Variants in NYAP2 observed in about 807,000 individuals in gnomAD.
NYAP2 encodes the protein neuronal tyrosine-phosphorylated phosphoinositide-3-kinase adaptor 2.
Under a neutral mutation model 50.4 loss-of-function variants are expected in NYAP2, and 23 were observed. The observed-to-expected ratio is 0.46, with a 90% CI of 0.33 to 0.65. The LOEUF (loss-of-function observed/expected upper bound fraction) is 0.65, where lower values mean the gene tolerates loss of function less well. Ranked by LOEUF, NYAP2 falls within the 30% of genes least tolerant of loss-of-function variation. The pLI, the probability that NYAP2 is intolerant of heterozygous loss-of-function variation, is 0.02. For synonymous variants in NYAP2, 394 were observed against 365.2 expected (o/e 1.08, Z -0.90); for missense variants, 885 against 861.0 (o/e 1.03, Z -0.35).
At chr2:225,572,457 T>A (rs1208281648) in intron 4 of NYAP2, among the ~76,000 whole-genome samples, 1 of 152,152 alleles carries the variant, frequency 6.6e-6, no homozygotes, top group Non-Finnish European at 1.5e-5. Flanking sequence ...GGAGAGAGAA[T>A]GAGTGCCAGC....
intron 4 of NYAP2, among the ~76,000 whole-genome samples, chr2:225,564,679 T>C (rs1359937715): frequency 6.8e-6 from 1 of 146,578 alleles, no homozygotes; most frequent in Non-Finnish European, 1.5e-5. Context: ...GTGAACTGCA[T>C]AAATATAAAA....
intron 4 of NYAP2, among the ~76,000 whole-genome samples, chr2:225,535,066 T>C (rs1221180575): frequency 1.3e-5 from 2 of 152,186 alleles, no homozygotes; most frequent in African/African-American, 4.8e-5. Context: ...CATAATGGCC[T>C]GAGATCAGCA....
At chr2:225,631,909 C>G (rs1693322899) in intron 6 of NYAP2, among the ~76,000 whole-genome samples, 2 of 152,278 alleles carry the variant, frequency 1.3e-5, no homozygotes, top group South Asian at 4.1e-4. Flanking sequence ...CCTCCGCCTC[C>G]TGGGTTCAAG....
intron 5 of NYAP2, among the ~76,000 whole-genome samples, chr2:225,596,139 C>T (rs997115881): frequency 6.6e-6 from 1 of 152,076 alleles, no homozygotes; most frequent in Non-Finnish European, 1.5e-5. Flanking sequence ...TCAAGCAATC[C>T]TCCTGCATCA....
chr2:225,702,186 G>C, the NYAP2 span: 8 of 151,666 alleles, frequency 5.3e-5, no homozygotes, highest in South Asian at 2.1e-4. Context: ...ACAATTCATT[G>C]TGTCCCAAAC....
chr2:225,658,274 A>G (rs149429857), downstream of NYAP2, among the ~76,000 whole-genome samples: 1,823 of 152,312 alleles, frequency 0.012, 24 homozygotes, highest in Non-Finnish European at 0.017. Context: ...AACCTTACAT[A>G]TATTTCCAAA....
intron 4 of NYAP2, among the ~76,000 whole-genome samples, chr2:225,575,263 C>A (rs183130495): frequency 6.6e-6 from 1 of 152,146 alleles, no homozygotes; most frequent in African/African-American, 2.4e-5. Context: ...GGTCTCCTCA[C>A]TATCCTTCAG....
intron 3 of NYAP2, among the ~76,000 whole-genome samples, chr2:225,411,606 T>C (rs1276757289): frequency 4.0e-5 from 6 of 150,552 alleles, no homozygotes; most frequent in Non-Finnish European, 8.8e-5. Flanking sequence ...TAAATAGAGA[T>C]GATAAAAAAA....
chr2:225,435,912 G>C (rs1689367579), intron 3 of NYAP2, among the ~76,000 whole-genome samples: 1 of 152,094 alleles, frequency 6.6e-6, no homozygotes, highest in African/African-American at 2.4e-5. Flanking sequence ...ACATCAATTT[G>C]CTCATTTGTA....
intron 5 of NYAP2, among the ~76,000 whole-genome samples, chr2:225,622,081 G>T (rs1693113788): frequency 6.6e-6 from 1 of 152,150 alleles, no homozygotes; most frequent in Non-Finnish European, 1.5e-5. Flanking sequence ...GCCCAGCCTG[G>T]ATTGCAGTGG....
At chr2:225,660,746 G>A in the NYAP2 span, among the ~76,000 whole-genome samples, 7 of 152,058 alleles carry the variant, frequency 4.6e-5, no homozygotes, top group African/African-American at 4.8e-5. Context: ...CGTTGTTTGG[G>A]ATAATAAGCA....
chr2:225,592,397 A>G (rs1219307510), intron 5 of NYAP2, among the ~76,000 whole-genome samples: 2 of 152,204 alleles, frequency 1.3e-5, no homozygotes, highest in Admixed American at 6.5e-5. Flanking sequence ...ACTGGGGTAA[A>G]ACAGACAAAG....
chr2:225,552,636 G>T (rs1302116125), intron 4 of NYAP2, among the ~76,000 whole-genome samples: 1 of 152,162 alleles, frequency 6.6e-6, no homozygotes, highest in Non-Finnish European at 1.5e-5. Context: ...TGACCATGCT[G>T]GAACCCTGAT....
chr2:225,422,253 G>C (rs752138101), intron 3 of NYAP2, among the ~76,000 whole-genome samples: 3 of 152,104 alleles, frequency 2.0e-5, no homozygotes, highest in Admixed American at 2.0e-4. Flanking sequence ...CCAGTAAAAG[G>C]CTTTTTAGCA....
At chr2:225,678,414 G>A in the NYAP2 span, among the ~76,000 whole-genome samples, 1 of 151,910 alleles carries the variant, frequency 6.6e-6, no homozygotes, top group Non-Finnish European at 1.5e-5. Flanking sequence ...CAATTTCATT[G>A]AGTCCTTCTC....
chr2:225,483,158 A>G (rs1690234575), intron 3 of NYAP2, among the ~76,000 whole-genome samples: 1 of 152,328 alleles, frequency 6.6e-6, no homozygotes, highest in African/African-American at 2.4e-5. Context: ...TGTATCATAT[A>G]CTTAAATATG....
intron 3 of NYAP2, among the ~76,000 whole-genome samples, chr2:225,446,100 G>A (rs1049641490): frequency 9.2e-5 from 14 of 151,490 alleles, no homozygotes; most frequent in Non-Finnish European, 1.3e-4. Flanking sequence ...AGAACCATTC[G>A]AACCCGGGAG....
intron 4 of NYAP2, among the ~76,000 whole-genome samples, chr2:225,567,929 T>A (rs1261246110): frequency 6.6e-6 from 1 of 152,158 alleles, no homozygotes; most frequent in Non-Finnish European, 1.5e-5. Context: ...TTTGCAGTAA[T>A]TCTTTACTAC....
At chr2:225,432,318 C>G (rs1689280394) in intron 3 of NYAP2, among the ~76,000 whole-genome samples, 1 of 150,910 alleles carries the variant, frequency 6.6e-6, no homozygotes, top group African/African-American at 2.4e-5. Flanking sequence ...TTTTAAAGCT[C>G]TTGACTGTGG....
Sources: allele counts gnomAD v4.1 joint callset (sites outside exome capture counted in the v4.1 genomes callset), GRCh38; gene constraint gnomAD v4.1.1; transcripts MANE v1.5; gene names NCBI Gene and HGNC (gene_info 2026-07-23, HGNC 2026-07-21).